Variants in SLC44A4 observed in about 807,000 individuals in gnomAD.
SLC44A4 encodes the protein solute carrier family 44 member 4, also known as choline transporter-like protein 4.
In SLC44A4, 74 loss-of-function variants were observed where a neutral mutation model predicts 97.0. The ratio of observed to expected loss-of-function variants is 0.76; its 90% CI spans 0.63 to 0.93. SLC44A4 has a LOEUF of 0.93. Ranked by LOEUF, SLC44A4 falls within the 40% of genes least tolerant of loss-of-function variation. The pLI, the probability that SLC44A4 is intolerant of heterozygous loss-of-function variation, is 0.00. For missense variants in SLC44A4, 799 were observed against 902.9 expected (o/e 0.88, Z 1.48); for synonymous variants, 325 against 363.8 (o/e 0.89, Z 1.21).
rs982403790 is a variant in SLC44A4 at position 31,876,957 on chromosome 6, C to T, written c.89+77G>A. The T allele has an allele frequency of 2.9e-6, 4 of 1,398,284 alleles. No individual in the cohort carries two copies. The South Asian group carries it at 5.2e-5, about 18-fold the overall frequency. The allele number at this position is 1,398,284 out of a possible 1,614,324, so 86.6% of individuals were successfully genotyped here. On this transcript the variant is annotated intron_variant, in intron 2 of 20. Transcript: ENST00000229729. This position sits in a 1 kb window ranked among gnomAD's most constrained non-coding sequence, Gnocchi z 4.8. ...CACAAGTTTCCTACTAATATTTTAG[C>T]AAATACAAAGCAAATACTGGATTCC...
At chr6:31,871,582 G>C in intron 7 of SLC44A4, 21 bp from the exon 8 acceptor site, 1 of 1,596,674 alleles carries the variant, frequency 6.3e-7, no homozygotes, top group Non-Finnish European at 8.6e-7. Flanking sequence ...GAGCCGGGCT[G>C]CTGGGTTGGG....
intron 13 of SLC44A4, among the ~76,000 whole-genome samples, chr6:31,866,673 G>A (rs751539194): frequency 8.6e-5 from 13 of 151,986 alleles, no homozygotes; most frequent in Non-Finnish European, 1.5e-4. Context: ...TGGGCGGATC[G>A]CCTGAGGTCA....
rs952846469 is a variant in SLC44A4 at position 31,876,644 on chromosome 6, C to T, written c.89+390G>A. ...GTCCCAGCTACTCGGAAGGCTAGGG[C>T]AGGAGGATCACTTGAGCACAGGAGT... On this transcript the variant is annotated intron_variant, in intron 2 of 20. Transcript: ENST00000229729. The surrounding 1 kb of genome is among the most constrained non-coding windows in gnomAD (Gnocchi z 4.8). Among the ~76,000 whole-genome samples the T allele has an allele frequency of 6.6e-6, 1 of 152,152 alleles. No individual in the cohort carries two copies. Among genetic ancestry groups the T allele is most frequent in the African/African-American group, 2.4e-5 (1 of 41,442 alleles).
intron 13 of SLC44A4, among the ~76,000 whole-genome samples, chr6:31,868,128 T>G (rs1018328048): frequency 3.9e-5 from 6 of 152,168 alleles, no homozygotes; most frequent in African/African-American, 1.2e-4. Context: ...ACCTCCCCTT[T>G]TTAATAGGGG....
rs535578910 is a variant in SLC44A4 at position 31,874,820 on chromosome 6, G to A, written c.369C>T (p.Asp123=). 1.7e-5 allele frequency: 28 copies of A among 1,613,562 alleles called. No homozygotes were observed. The South Asian group carries it at 2.9e-4, about 16-fold the overall frequency. The change falls in exon 6 of 21, where the codon GAC becomes GAT. Residue 123 remains aspartate, a synonymous_variant. Coordinates refer to ENST00000229729, the MANE Select transcript of SLC44A4 (RefSeq NM_025257.3). This position sits in a 1 kb window ranked among gnomAD's most constrained non-coding sequence, Gnocchi z 4.8. ...ACTCGTTTTTTCCCACAGTCCATGGGTCCTCCGGGCAGGAGGACACACACA... is the reference window on the plus strand; with the variant it reads ...ACTCGTTTTTTCCCACAGTCCATGGATCCTCCGGGCAGGAGGACACACACA... The part of the protein sequence containing the change: ...PQVCVSSCPE[D]PWTVGKNEFS...
chr6:31,867,881 G>A (rs1054380537), intron 13 of SLC44A4, among the ~76,000 whole-genome samples: 3 of 148,116 alleles, frequency 2.0e-5, no homozygotes, highest in African/African-American at 7.6e-5. Context: ...GCAATGGCGC[G>A]ATCTCAGCTC....
At position 31,869,857 on chromosome 6, in the gene SLC44A4, C is replaced by T. The variant is rs1214911138; in HGVS notation, c.1038-220G>A. On this transcript the variant is annotated intron_variant, in intron 11 of 20. Coordinates refer to ENST00000229729, the MANE Select transcript of SLC44A4 (RefSeq NM_025257.3). Reference sequence around the variant, plus strand: ...AAAATTAGCCGGGCATGGTGGCGGGCGCCTGTAGTGCCAGCTACTCCGGAG... The same window carrying T: ...AAAATTAGCCGGGCATGGTGGCGGGTGCCTGTAGTGCCAGCTACTCCGGAG... Among the ~76,000 whole-genome samples, 6 of 152,156 alleles carry T rather than the reference C, an allele frequency of 3.9e-5. 1 individual carries two copies. The highest frequency in any genetic ancestry group is 4.1e-4 in the South Asian group (2 of 4,828).
Position 31,875,895 on chromosome 6 carries a change from G to T in SLC44A4, c.199C>A (p.Pro67Thr). 1 of 1,613,568 alleles carries T rather than the reference G, an allele frequency of 6.2e-7. No homozygotes were observed. The highest frequency in any genetic ancestry group is 8.5e-7 in the Non-Finnish European group (1 of 1,179,862). The change falls in exon 4 of 21, where the codon CCC (proline) becomes ACC (threonine). Residue 67 changes from proline to threonine, a missense_variant. By Grantham distance (38) the Pro-to-Thr change is conservative. This residue lies in a region of SLC44A4 where 409 missense variants were observed against 434.1 expected (regional missense o/e 0.94). Transcript: ENST00000229729. The stretch of plus-strand genomic sequence containing the variant: ...CAGTAGGCCCCAGTAGAGTTCCTGG[G>T]GTAGAGGACTTGCCGGGGGTCTCCA... ...LYGDPRQVLY[P>T]RNSTGAYCGM...
At position 31,874,404 on chromosome 6, in the gene SLC44A4, A is replaced by G; in HGVS notation, c.529+56T>C. On this transcript the variant is annotated intron_variant, in intron 7 of 20. Transcript: ENST00000229729. The surrounding 1 kb of genome is among the most constrained non-coding windows in gnomAD (Gnocchi z 4.8). ...CTCTCTGGGCCTGATTTCTTCATTC[A>G]AGCAATGAAAACACTGGACTAGATG... is the stretch of plus-strand genomic sequence containing the variant. 6.3e-7 allele frequency: 1 copy of G among 1,579,662 alleles called. No homozygotes were observed. The highest frequency in any genetic ancestry group is 8.7e-7 in the Non-Finnish European group (1 of 1,150,254).
intron 9 of SLC44A4, 29 bp from the exon 10 acceptor site, chr6:31,871,076 C>A: frequency 6.4e-7 from 1 of 1,565,538 alleles, no homozygotes. Context: ...CAGTGAGGTT[C>A]AGCCCTAGCC....
In SLC44A4 at chr6:31,863,518, C is replaced by T. The variant is rs1762663798; in HGVS notation, c.*109G>A. ...TGGATTACAGGCGTGAGCCACGGCG[C>T]CTGGCCTAAAACCTTTTTTTACCAC... is the stretch of plus-strand genomic sequence containing the variant. On this transcript the variant is annotated 3_prime_UTR_variant, in exon 21 of 21. Transcript: ENST00000229729. The T allele has an allele frequency of 7.0e-7, 1 of 1,437,824 alleles. No homozygotes were observed. The highest frequency in any genetic ancestry group is 9.2e-7 in the Non-Finnish European group (1 of 1,088,602). The allele number at this position is 1,437,824 out of a possible 1,614,324, so 89.1% of individuals were successfully genotyped here.
chr6:31,874,888 C>G lies in SLC44A4; in HGVS notation c.342+41G>C, dbSNP rs201694628. 6.2e-7 allele frequency: 1 copy of G among 1,613,540 alleles called. No individual in the cohort carries two copies. Among genetic ancestry groups the G allele is most frequent in the East Asian group, 2.2e-5 (1 of 44,876 alleles). On this transcript the variant is annotated intron_variant, in intron 5 of 20. Transcript: ENST00000229729. The surrounding 1 kb of genome is among the most constrained non-coding windows in gnomAD (Gnocchi z 4.8). ...CACTAAGGGGCTGGAACCTGAGACC[C>G]TGGGTGAGATCTGGGGTAGAGGCAG... is the stretch of plus-strand genomic sequence containing the variant.
Position 31,865,672 on chromosome 6 carries a change from C to T in SLC44A4, c.1582+18G>A, listed in dbSNP as rs745310362. On this transcript the variant is annotated intron_variant, in intron 15 of 20. Transcript: ENST00000229729. The surrounding 1 kb of genome is among the most constrained non-coding windows in gnomAD (Gnocchi z 5.2). ...GGCCTTCCCCAGCTCCTGACTCCTA[C>T]TCCGACTCCAGACTCACCTCTGAGC... 1.2e-6 allele frequency: 2 copies of T among 1,613,068 alleles called. No homozygotes were observed. Among genetic ancestry groups the T allele is most frequent in the South Asian group, 1.1e-5 (1 of 91,088 alleles).
chr6:31,865,470 A>G lies in SLC44A4; in HGVS notation c.1686+28T>C. On this transcript the variant is annotated intron_variant, in intron 16 of 20. Coordinates refer to ENST00000229729, the MANE Select transcript of SLC44A4 (RefSeq NM_025257.3). This position sits in a 1 kb window ranked among gnomAD's most constrained non-coding sequence, Gnocchi z 5.2. ...GGTGTCTAGACCAAAGGGCACCAGA[A>G]CAAAGGGTTGCTTGCAGTGTAGCTC... The G allele has an allele frequency of 1.2e-6, 2 of 1,612,826 alleles. No homozygotes were observed. Among genetic ancestry groups the G allele is most frequent in the Non-Finnish European group, 1.7e-6 (2 of 1,178,806 alleles).
chr6:31,878,444 A>T lies in SLC44A4; in HGVS notation c.40+497T>A, dbSNP rs1193053931. Among the ~76,000 whole-genome samples, 1 of 151,826 alleles carries T rather than the reference A, an allele frequency of 6.6e-6. No homozygotes were observed. Among genetic ancestry groups the T allele is most frequent in the Non-Finnish European group, 1.5e-5 (1 of 67,934 alleles). On this transcript the variant is annotated intron_variant, in intron 1 of 20. Transcript: ENST00000229729. This position sits in a 1 kb window ranked among gnomAD's most constrained non-coding sequence, Gnocchi z 4.0. ...CCACTCAGGGTCCCCTCACTCCTCA[A>T]GGGAGCCGGCAGACCACAAGCAGCT...
At position 31,870,611 on chromosome 6, in the gene SLC44A4, C is replaced by T. The variant is rs527803309; in HGVS notation, c.1029G>A (p.Glu343=). 3.1e-6 allele frequency: 5 copies of T among 1,599,428 alleles called. No homozygotes were observed. The East Asian group carries it at 9.1e-5, about 29-fold the overall frequency. The change falls in exon 11 of 21, where the codon GAG becomes GAA. Residue 343 remains glutamate, a synonymous_variant. Coordinates refer to ENST00000229729, the MANE Select transcript of SLC44A4 (RefSeq NM_025257.3). ...RIRIAIALLK[E]ASKAVGQMMS... ...CCCAGGCAGGCCCTAACTTGCTGGC[C>T]TCCTTCAGGAGGGCGATGGCAATAC... is the stretch of plus-strand genomic sequence containing the variant.
rs1004874533 is a variant in SLC44A4 at position 31,875,150 on chromosome 6, C to T, written c.243-122G>A. ...AGCCCAGCGTGGCCCATACCAGTCACCTCCCAGCTCCTGGCCCTAGCTCAG... is the reference window on the plus strand; with the variant it reads ...AGCCCAGCGTGGCCCATACCAGTCATCTCCCAGCTCCTGGCCCTAGCTCAG... On this transcript the variant is annotated intron_variant, in intron 4 of 20. Transcript: ENST00000229729. 8 of 690,596 alleles carry T rather than the reference C, an allele frequency of 1.2e-5. No homozygotes were observed. In the African/African-American group the frequency reaches 1.4e-4, roughly 12 times the overall value. The allele number at this position is 690,596 out of a possible 1,614,324, so 42.8% of individuals were successfully genotyped here.
intron 13 of SLC44A4, among the ~76,000 whole-genome samples, chr6:31,868,374 G>A (rs11965547): frequency 0.11 from 16,545 of 152,198 alleles, 1,089 homozygotes; most frequent in Admixed American, 0.18. Flanking sequence ...TCAACCTGTT[G>A]TTGAGCTCTT....
chr6:31,868,749 T>A (rs1357208199), intron 13 of SLC44A4, among the ~76,000 whole-genome samples: 1 of 151,998 alleles, frequency 6.6e-6, no homozygotes, highest in East Asian at 1.9e-4. Flanking sequence ...TGAGCTGAGA[T>A]TGCACTGCTG....
Sources: gnomAD v4.1 joint callset for allele counts (sites outside exome capture counted in the v4.1 genomes callset) on GRCh38, gnomAD v4.1.1 for gene constraint, gnomAD v4.1.1 regional missense constraint, Gnocchi (gnomAD v3.1) non-coding constraint, MANE v1.5 for transcripts, NCBI Gene and HGNC (gene_info 2026-07-23, HGNC 2026-07-21) for gene names.